Variants in KCNIP4 observed in about 807,000 individuals in gnomAD.
The protein encoded by KCNIP4 is potassium voltage-gated channel interacting protein 4.
Under a neutral mutation model 34.0 loss-of-function variants are expected in KCNIP4, and 12 were observed. The observed-to-expected ratio is 0.35, with a 90% CI of 0.23 to 0.57. The LOEUF (loss-of-function observed/expected upper bound fraction) is 0.57. Among genes scored for constraint, KCNIP4 ranks in the 20% least tolerant of loss-of-function variants. The pLI is 0.83. For synonymous variants in KCNIP4, 124 were observed against 102.2 expected, an observed-to-expected ratio of 1.21 and a Z score of -1.29; for missense variants, 238 against 311.7, an observed-to-expected ratio of 0.76 and a Z score of 1.78.
At chr4:21,032,808 A>G (rs1741134412) in intron 1 of KCNIP4, among the ~76,000 whole-genome samples, 1 of 151,790 alleles carries the variant, frequency 6.6e-6, no homozygotes, top group Non-Finnish European at 1.5e-5. Context: ...CGTTGTCATT[A>G]CATGTAATCA....
At chr4:21,091,207 A>C (rs2322846) in intron 1 of KCNIP4, among the ~76,000 whole-genome samples, 73,931 of 152,020 alleles carry the variant, frequency 0.49, 18,925 homozygotes, top group African/African-American at 0.66. Context: ...ATTTATGGAG[A>C]AAATTTTATA....
chr4:21,212,335 T>C (rs1757273399), intron 1 of KCNIP4, among the ~76,000 whole-genome samples: 1 of 152,200 alleles, frequency 6.6e-6, no homozygotes, highest in East Asian at 1.9e-4. Flanking sequence ...TTTCACAGAA[T>C]ACATTTGCAC....
intron 1 of KCNIP4, among the ~76,000 whole-genome samples, chr4:20,975,663 A>G (rs1372918358): frequency 1.3e-5 from 2 of 152,184 alleles, no homozygotes; most frequent in Admixed American, 6.5e-5. Context: ...AAGGGATAGA[A>G]AAACCTAGTT....
intron 1 of KCNIP4, among the ~76,000 whole-genome samples, chr4:20,892,382 T>C (rs1489813337): frequency 6.6e-6 from 1 of 152,126 alleles, no homozygotes; most frequent in Non-Finnish European, 1.5e-5. Flanking sequence ...CATCTCTCTA[T>C]CTGTCTTTCT....
chr4:21,604,104 TAG>T (rs1055903469), intron 1 of KCNIP4, among the ~76,000 whole-genome samples: 2 of 152,174 alleles, frequency 1.3e-5, no homozygotes, highest in Non-Finnish European at 2.9e-5. Flanking sequence ...TTGATTAAGT[TAG>T]AGAGTTACCT....
chr4:21,922,905 CT>C (rs1334920562), intron 1 of KCNIP4, among the ~76,000 whole-genome samples: 3 of 152,142 alleles, frequency 2.0e-5, no homozygotes, highest in African/African-American at 7.2e-5. Flanking sequence ...AGAGATTTTT[CT>C]TTGTAAGTCA....
chr4:21,764,790 CTCCTTAGGACTGGGAAG>C (rs1246084779), intron 1 of KCNIP4, among the ~76,000 whole-genome samples: 2 of 152,086 alleles, frequency 1.3e-5, no homozygotes, highest in African/African-American at 4.8e-5. Flanking sequence ...ATCCTTTGTG[CTCCTTAGGACTGGGAAG>C]TCCTCAGGCC....
intron 1 of KCNIP4, among the ~76,000 whole-genome samples, chr4:21,224,097 C>T (rs1758180453): frequency 6.6e-6 from 1 of 152,124 alleles, no homozygotes; most frequent in African/African-American, 2.4e-5. Flanking sequence ...TTACCTCATC[C>T]TCAGTTTTAA....
chr4:21,244,786 C>G lies in KCNIP4; in HGVS notation c.62-362077G>C, dbSNP rs549687026. 2.3e-3 allele frequency among the ~76,000 whole-genome samples: 355 copies of G among 152,278 alleles called. 2 individuals carry two copies. Among genetic ancestry groups the G allele is most frequent in the Non-Finnish European group, 4.4e-3 (301 of 68,022 alleles). On this transcript the variant is annotated intron_variant, in intron 1 of 8. Transcript: ENST00000382152. ...ATGCACATTTAAATGAGACACTTCT[C>G]TAAGACCTGATACTTTAAGATGCTA...
At chr4:21,065,191 T>A (rs1438960956) in intron 1 of KCNIP4, among the ~76,000 whole-genome samples, 2 of 152,164 alleles carry the variant, frequency 1.3e-5, no homozygotes, top group Non-Finnish European at 2.9e-5. Context: ...GGGTGTTCTA[T>A]GACACGCTGA....
chr4:21,809,627 A>C (rs1336272694), intron 1 of KCNIP4, among the ~76,000 whole-genome samples: 3 of 152,172 alleles, frequency 2.0e-5, no homozygotes, highest in Non-Finnish European at 4.4e-5. Flanking sequence ...AGTGTAGTGC[A>C]TGATACAAGA....
chr4:21,484,563 T>C (rs427187), intron 1 of KCNIP4, among the ~76,000 whole-genome samples: 106,776 of 151,834 alleles, frequency 0.7, 38,132 homozygotes, highest in African/African-American at 0.83. Context: ...GCATACACTG[T>C]GCAACCTGAC....
At chr4:21,256,197 C>T (rs1041646053) in intron 1 of KCNIP4, among the ~76,000 whole-genome samples, 3 of 152,162 alleles carry the variant, frequency 2.0e-5, no homozygotes, top group Admixed American at 2.0e-4. Flanking sequence ...AGAAAGTGTG[C>T]TATATGAGGA....
intron 1 of KCNIP4, among the ~76,000 whole-genome samples, chr4:21,837,786 A>T (rs935564541): frequency 2.6e-5 from 4 of 152,086 alleles, no homozygotes; most frequent in Non-Finnish European, 4.4e-5. Context: ...AAATTTTATA[A>T]ATTGGAGTTT....
chr4:21,865,061 T>C (rs754104389), intron 1 of KCNIP4, among the ~76,000 whole-genome samples: 1 of 151,944 alleles, frequency 6.6e-6, no homozygotes, highest in Non-Finnish European at 1.5e-5. Flanking sequence ...CCCAAGGAGC[T>C]ATAAGAGAAT....
chr4:21,499,263 G>A (rs774720383), intron 1 of KCNIP4, among the ~76,000 whole-genome samples: 64 of 150,374 alleles, frequency 4.3e-4, no homozygotes, highest in Non-Finnish European at 3.5e-4. Flanking sequence ...CCCAGGAGAC[G>A]GAGGTTGCAG....
chr4:21,044,651 T>C (rs1742281022), intron 1 of KCNIP4, among the ~76,000 whole-genome samples: 1 of 152,144 alleles, frequency 6.6e-6, no homozygotes, highest in Non-Finnish European at 1.5e-5. Flanking sequence ...CTCCACATGC[T>C]TCCAGAGCAA....
chr4:21,199,187 C>G (rs958211574), intron 1 of KCNIP4, among the ~76,000 whole-genome samples: 1 of 152,172 alleles, frequency 6.6e-6, no homozygotes, highest in Admixed American at 6.5e-5. Flanking sequence ...ACAGTGCTAC[C>G]GACAGTGTAA....
chr4:21,398,497 T>A (rs550874649), intron 1 of KCNIP4, among the ~76,000 whole-genome samples: 1 of 152,290 alleles, frequency 6.6e-6, no homozygotes, highest in African/African-American at 2.4e-5. Flanking sequence ...TGCTCTCCCA[T>A]AAATTAATTT....
Sources: gnomAD v4.1 joint callset for allele counts (sites outside exome capture counted in the v4.1 genomes callset) on GRCh38, gnomAD v4.1.1 for gene constraint, MANE v1.5 for transcripts, NCBI Gene and HGNC (gene_info 2026-07-23, HGNC 2026-07-21) for gene names.